RMST: variants seen among roughly 807,000 people sequenced by gnomAD.
RMST encodes the protein rhabdomyosarcoma 2 associated transcript, also known as long intergenic non-protein coding RNA 54.
chr12:97,503,917 T>C (rs10161461), intron 10 of RMST, among the ~76,000 whole-genome samples: 2,286 of 152,064 alleles, frequency 0.015, 63 homozygotes, highest in African/African-American at 0.053. Flanking sequence ...ACCAATACAA[T>C]TAAAACTTTT....
intron 10 of RMST, among the ~76,000 whole-genome samples, chr12:97,523,577 G>A (rs1853027805): frequency 6.6e-6 from 1 of 152,100 alleles, no homozygotes; most frequent in Non-Finnish European, 1.5e-5. Context: ...ACATCACACT[G>A]TACTCCATGA....
rs951780325 is a variant in RMST, at chr12:97,531,547, G to T, written n.1545+688G>T. Among the ~76,000 whole-genome samples the T allele has an allele frequency of 3.3e-5, 5 of 151,922 alleles. No homozygotes were observed. In the South Asian group the frequency reaches 6.2e-4, roughly 19 times the overall value. On this transcript the variant is annotated intron_variant and non_coding_transcript_variant, in intron 11 of 13. Coordinates refer to ENST00000640149, the Ensembl canonical transcript of RMST. ...GTCTTCCTGTATTGCTAATTAATGA[G>T]CGTGAATATTGATGAGGAAGGGCAT...
At chr12:97,488,956 G>C (rs1368121969) in intron 5 of RMST, among the ~76,000 whole-genome samples, 1 of 152,102 alleles carries the variant, frequency 6.6e-6, no homozygotes, top group Non-Finnish European at 1.5e-5. Context: ...AGATTATTGA[G>C]AAGTATGCAT....
chr12:97,557,571 C>A (rs1883796792), intron 11 of RMST, among the ~76,000 whole-genome samples: 1 of 152,150 alleles, frequency 6.6e-6, no homozygotes, highest in African/African-American at 2.4e-5. Flanking sequence ...CCTCCTCTTT[C>A]CCATTTCTGA....
chr12:97,479,540 T>C (rs775307178), intron 5 of RMST, among the ~76,000 whole-genome samples: 7 of 152,202 alleles, frequency 4.6e-5, no homozygotes, highest in African/African-American at 7.2e-5. Context: ...CTAAATCCAG[T>C]GGGCTTTTAA....
intron 11 of RMST, chr12:97,533,869 T>C (rs1427174742): frequency 6.6e-6 from 1 of 151,856 alleles, no homozygotes; most frequent in Non-Finnish European, 1.5e-5. Context: ...CCTGAGGTGC[T>C]ATAGTTTATT....
At chr12:97,487,733 G>T (rs1025412188) in intron 5 of RMST, among the ~76,000 whole-genome samples, 1 of 152,128 alleles carries the variant, frequency 6.6e-6, no homozygotes, top group African/African-American at 2.4e-5. Flanking sequence ...CATTCCCTTG[G>T]CTAGGGAAGC....
At chr12:97,475,843 G>A (rs144536847) in intron 5 of RMST, among the ~76,000 whole-genome samples, 4 of 152,212 alleles carry the variant, frequency 2.6e-5, no homozygotes, top group African/African-American at 9.6e-5. Context: ...TCCCAAATGC[G>A]ATTTAGTTTA....
At chr12:97,493,348 TAA>T (rs1356062345) in intron 7 of RMST, 1 of 152,610 alleles carries the variant, frequency 6.6e-6, no homozygotes, top group Non-Finnish European at 1.5e-5. Flanking sequence ...TAACAGAGGC[TAA>T]GTTTAGACAG....
chr12:97,517,942 C>T (rs1211550573), intron 10 of RMST, among the ~76,000 whole-genome samples: 2 of 152,048 alleles, frequency 1.3e-5, no homozygotes. Flanking sequence ...TATCAATTGT[C>T]CTCTTCACAG....
rs189681775 is a variant in RMST at position 97,472,541 on chromosome 12, A to G, written n.644+6814A>G. 2.2e-3 allele frequency among the ~76,000 whole-genome samples: 340 copies of G among 152,276 alleles called. 5 individuals are homozygous for G. Among genetic ancestry groups the G allele is most frequent in the African/African-American group, 8.1e-3 (336 of 41,566 alleles). ...GTGCAATGCAGTCCAGTCCGTGACA[A>G]TTAACTCAGTTACTTACTGATTGGA... On this transcript the variant is annotated intron_variant and non_coding_transcript_variant, in intron 5 of 13. Transcript: ENST00000640149.
chr12:97,525,177 G>T (rs1880960077), intron 10 of RMST, among the ~76,000 whole-genome samples: 1 of 152,164 alleles, frequency 6.6e-6, no homozygotes, highest in Non-Finnish European at 1.5e-5. Context: ...CCTTTTAAAG[G>T]AAGACATCCT....
At chr12:97,477,147 C>T (rs957591378) in intron 5 of RMST, among the ~76,000 whole-genome samples, 3 of 151,984 alleles carry the variant, frequency 2.0e-5, no homozygotes, top group Non-Finnish European at 4.4e-5. Flanking sequence ...GGCAGACTAA[C>T]GAGGGTTAAG....
intron 10 of RMST, among the ~76,000 whole-genome samples, chr12:97,507,551 G>A (rs1054358355): frequency 2.6e-5 from 4 of 152,154 alleles, no homozygotes; most frequent in African/African-American, 9.7e-5. Flanking sequence ...GAATGTTCTG[G>A]TTGAAAATAC....
chr12:97,534,583 T>C (rs758390130), intron 11 of RMST, among the ~76,000 whole-genome samples: 4 of 151,734 alleles, frequency 2.6e-5, no homozygotes, highest in South Asian at 2.1e-4. Flanking sequence ...GAAAAAAGTG[T>C]TGGTGAAAGA....
intron 10 of RMST, among the ~76,000 whole-genome samples, chr12:97,530,191 G>A (rs1335708660): frequency 6.6e-6 from 1 of 151,894 alleles, no homozygotes; most frequent in African/African-American, 2.4e-5. Flanking sequence ...TAATACAAGG[G>A]CATCTGAAAA....
intron 10 of RMST, among the ~76,000 whole-genome samples, chr12:97,497,559 C>T (rs909040334): frequency 6.6e-6 from 1 of 152,130 alleles, no homozygotes; most frequent in African/African-American, 2.4e-5. Context: ...CACTAAATGA[C>T]CCCCTCATTG....
At chr12:97,475,849 G>C (rs1874495875) in intron 5 of RMST, among the ~76,000 whole-genome samples, 1 of 152,134 alleles carries the variant, frequency 6.6e-6, no homozygotes, top group African/African-American at 2.4e-5. Flanking sequence ...ATGCGATTTA[G>C]TTTAAGCCCT....
chr12:97,467,726 TTG>T (rs1873367860), intron 5 of RMST, among the ~76,000 whole-genome samples: 1 of 152,032 alleles, frequency 6.6e-6, no homozygotes, highest in Non-Finnish European at 1.5e-5. Context: ...GCCTTTGTCT[TTG>T]TGCTGTGCCA....
Sources: allele counts gnomAD v4.1 joint callset (sites outside exome capture counted in the v4.1 genomes callset), GRCh38; gene constraint gnomAD v4.1.1; transcripts MANE v1.5; gene names NCBI Gene and HGNC (gene_info 2026-07-23, HGNC 2026-07-21).